Variants in DPP10 observed in about 807,000 individuals in gnomAD.
DPP10 encodes the protein inactive dipeptidyl peptidase 10.
DPP10 carries 33 observed loss-of-function variants against 120.9 expected under a neutral mutation model. That is an observed-to-expected ratio of 0.27 (90% CI 0.21 to 0.37). The LOEUF is 0.37. Among genes scored for constraint, DPP10 ranks in the 10% least tolerant of loss-of-function variants. The pLI, the probability that DPP10 is intolerant of heterozygous loss-of-function variation, is 1.00. For missense variants in DPP10, 816 were observed against 942.8 expected, an observed-to-expected ratio of 0.87 and a Z score of 1.76; for synonymous variants, 337 against 326.1, an observed-to-expected ratio of 1.03 and a Z score of -0.36.
At chr2:114,533,960 G>T (rs1336591471) in intron 1 of DPP10, among the ~76,000 whole-genome samples, 1 of 152,008 alleles carries the variant, frequency 6.6e-6, no homozygotes, top group East Asian at 1.9e-4. Context: ...ATATTACAGT[G>T]GTAATTTTCT....
intron 5 of DPP10, among the ~76,000 whole-genome samples, chr2:115,650,991 CCT>C: frequency 6.6e-6 from 1 of 152,092 alleles, no homozygotes; most frequent in Non-Finnish European, 1.5e-5. Context: ...CCCTAAATCC[CCT>C]GACAGAGAGC....
At chr2:114,571,951 C>T (rs1470549176) in intron 1 of DPP10, among the ~76,000 whole-genome samples, 1 of 147,682 alleles carries the variant, frequency 6.8e-6, no homozygotes, top group Non-Finnish European at 1.5e-5. Flanking sequence ...AATATTTATA[C>T]TACATATATT....
intron 1 of DPP10, among the ~76,000 whole-genome samples, chr2:114,756,869 A>C (rs921453904): frequency 1.3e-5 from 2 of 152,152 alleles, no homozygotes; most frequent in Non-Finnish European, 2.9e-5. Context: ...TACTCCTAGG[A>C]AAAATTATTT....
In DPP10 at chr2:114,591,195, T is replaced by C. The variant is rs141604615; in HGVS notation, c.60+148357T>C. Among the ~76,000 whole-genome samples, 100 of 152,344 alleles carry C rather than the reference T, an allele frequency of 6.6e-4. 1 individual carries two copies. Among genetic ancestry groups the C allele is most frequent in the African/African-American group, 2.4e-3 (98 of 41,586 alleles). ...TGGGGTAAGGTCTGCAGAAGCCAGATTGACAATGAACCTTCTAGGTCAAAC... is the reference window on the plus strand; with the variant it reads ...TGGGGTAAGGTCTGCAGAAGCCAGACTGACAATGAACCTTCTAGGTCAAAC... On this transcript the variant is annotated intron_variant, in intron 1 of 25. Transcript: ENST00000410059.
Position 115,843,768 on chromosome 2 carries a change from G to A in DPP10, c.*1423G>A, listed in dbSNP as rs1369758946. On this transcript the variant is annotated 3_prime_UTR_variant, in exon 26 of 26. Transcript: ENST00000410059. Reference sequence around the variant, plus strand: ...CAGAATATCTTCTCACTTCACTTAAGGGATCTTCCAGAAGATATCTAAAAG... The same window carrying A: ...CAGAATATCTTCTCACTTCACTTAAAGGATCTTCCAGAAGATATCTAAAAG... 1 of 152,278 alleles carries A rather than the reference G, an allele frequency of 6.6e-6. No individual in the cohort carries two copies. Among genetic ancestry groups the A allele is most frequent in the African/African-American group, 2.4e-5 (1 of 41,428 alleles). The allele number at this position is 152,278 out of a possible 1,614,324, so 9.4% of individuals were successfully genotyped here. A position where few individuals can be genotyped will look rare whatever the true frequency, so the allele number is the denominator to read the frequency against.
intron 21 of DPP10, among the ~76,000 whole-genome samples, chr2:115,830,051 G>A (rs1347438941): frequency 6.6e-6 from 1 of 151,996 alleles, no homozygotes; most frequent in Non-Finnish European, 1.5e-5. Context: ...TATGGACATA[G>A]CTTCTTTAAA....
chr2:115,402,901 ATGTATATATATGTG>A, intron 3 of DPP10, among the ~76,000 whole-genome samples: 1 of 131,776 alleles, frequency 7.6e-6, no homozygotes, highest in Non-Finnish European at 1.6e-5. Context: ...GTATATATAT[ATGTATATATATGTG>A]TGTATATATA....
At chr2:114,484,634 G>A (rs1190150912) in intron 1 of DPP10, among the ~76,000 whole-genome samples, 1 of 152,116 alleles carries the variant, frequency 6.6e-6, no homozygotes, top group African/African-American at 2.4e-5. Flanking sequence ...TCTAGCAGCA[G>A]TGGCTTCATC....
At chr2:115,773,686 A>C (rs2149833503) in intron 13 of DPP10, among the ~76,000 whole-genome samples, 1 of 152,222 alleles carries the variant, frequency 6.6e-6, no homozygotes. Flanking sequence ...TGCTTTGTTA[A>C]GTGATCTTTC....
At chr2:114,638,856 A>G (rs771648901) in intron 1 of DPP10, among the ~76,000 whole-genome samples, 4 of 151,990 alleles carry the variant, frequency 2.6e-5, no homozygotes, top group East Asian at 3.9e-4. Context: ...TCGTAGCACT[A>G]TTTACAATAG....
At chr2:115,029,155 C>T (rs1703670733) in intron 1 of DPP10, among the ~76,000 whole-genome samples, 1 of 151,710 alleles carries the variant, frequency 6.6e-6, no homozygotes, top group African/African-American at 2.4e-5. Flanking sequence ...TTTTTACGGT[C>T]TTCCTTTGTG....
intron 3 of DPP10, among the ~76,000 whole-genome samples, chr2:115,353,607 C>T (rs570260159): frequency 1.5e-4 from 23 of 152,210 alleles, no homozygotes; most frequent in African/African-American, 5.1e-4. Context: ...TTACCTAATA[C>T]GTGTTCAGTA....
rs185096215 is a variant in DPP10, at chr2:114,679,700, T to A, written c.60+236862T>A. On this transcript the variant is annotated intron_variant, in intron 1 of 25. Transcript: ENST00000410059. ...TTTAGATAATCTATCATAAATTACT[T>A]ATTGAAGATATTTCTGCTGGAATAC... Among the ~76,000 whole-genome samples the A allele has an allele frequency of 1.6e-4, 24 of 152,148 alleles. 1 individual carries two copies. Among genetic ancestry groups the A allele is most frequent in the African/African-American group, 5.3e-4 (22 of 41,560 alleles).
At chr2:115,080,992 T>G (rs973031725) in intron 1 of DPP10, among the ~76,000 whole-genome samples, 8 of 152,260 alleles carry the variant, frequency 5.3e-5, no homozygotes, top group African/African-American at 1.9e-4. Context: ...GTCAAATTCT[T>G]GCTCCTTTGA....
chr2:114,821,403 G>A (rs557803415), intron 1 of DPP10, among the ~76,000 whole-genome samples: 2 of 150,098 alleles, frequency 1.3e-5, no homozygotes, highest in South Asian at 4.2e-4. Flanking sequence ...TGCCTGCCAG[G>A]CTCTAAAAGT....
intron 1 of DPP10, among the ~76,000 whole-genome samples, chr2:115,067,940 T>C (rs569965011): frequency 6.6e-6 from 1 of 151,688 alleles, no homozygotes; most frequent in South Asian, 2.1e-4. Flanking sequence ...TGTGTGTTTT[T>C]GTGTCTGTGT....
chr2:114,457,799 C>CATTTCTGCTCCTATCCCTGCTCCTGT (rs1678664993), intron 1 of DPP10, among the ~76,000 whole-genome samples: 1 of 152,170 alleles, frequency 6.6e-6, no homozygotes, highest in Admixed American at 6.5e-5. Flanking sequence ...GACGCTCCTG[C>CATTTCTGCTCCTATCCCTGCTCCTGT]ATTTCTGCTC....
At chr2:115,014,367 C>G (rs1004017860) in intron 1 of DPP10, among the ~76,000 whole-genome samples, 1 of 152,136 alleles carries the variant, frequency 6.6e-6, no homozygotes, top group Non-Finnish European at 1.5e-5. Flanking sequence ...AAATTTACAG[C>G]TCTAAATACC....
intron 1 of DPP10, among the ~76,000 whole-genome samples, chr2:115,139,037 A>G (rs2050786908): frequency 6.6e-6 from 1 of 152,208 alleles, no homozygotes; most frequent in African/African-American, 2.4e-5. Flanking sequence ...TATTAACTAA[A>G]TAAGTCTTCA....
Sources: allele counts gnomAD v4.1 joint callset (sites outside exome capture counted in the v4.1 genomes callset), GRCh38; gene constraint gnomAD v4.1.1; transcripts MANE v1.5; gene names NCBI Gene and HGNC (gene_info 2026-07-23, HGNC 2026-07-21).